NUP98: variants seen among roughly 807,000 people sequenced by gnomAD.
NUP98 encodes the protein nucleoporin 98 and 96 precursor, also known as nuclear pore complex protein Nup98-Nup96.
Under a neutral mutation model 191.9 loss-of-function variants are expected in NUP98, and 26 were observed. The ratio of observed to expected loss-of-function variants is 0.14; its 90% CI spans 0.10 to 0.19. The LOEUF (loss-of-function observed/expected upper bound fraction) is 0.19, where lower values mean the gene tolerates loss of function less well. NUP98 is among the 10% of genes least tolerant of loss of function. NUP98 has a pLI of 1.00. For missense variants in NUP98, 1,941 were observed against 2,178.8 expected, an observed-to-expected ratio of 0.89 and a Z score of 2.17; for synonymous variants, 808 against 778.4, an observed-to-expected ratio of 1.04 and a Z score of -0.63.
At chr11:3,718,909 C>T (rs1403726779) in intron 18 of NUP98, among the ~76,000 whole-genome samples, 1 of 152,026 alleles carries the variant, frequency 6.6e-6, no homozygotes, top group Non-Finnish European at 1.5e-5. Flanking sequence ...CACTTGAAAT[C>T]AGGAGCTCAA....
intron 28 of NUP98, among the ~76,000 whole-genome samples, chr11:3,687,188 C>T (rs997017470): frequency 1.3e-5 from 2 of 152,094 alleles, no homozygotes; most frequent in Non-Finnish European, 2.9e-5. Context: ...CCCACTTCAG[C>T]GTCACAAACT....
chr11:3,787,948 G>C (rs182753138), intron 1 of NUP98, among the ~76,000 whole-genome samples: 1 of 151,962 alleles, frequency 6.6e-6, no homozygotes, highest in Non-Finnish European at 1.5e-5. Context: ...GCCGAGATCG[G>C]GCCACTGCAC....
At chr11:3,726,619 A>G (rs1393127054) in intron 14 of NUP98, among the ~76,000 whole-genome samples, 1 of 152,066 alleles carries the variant, frequency 6.6e-6, no homozygotes. Flanking sequence ...TTACAAAAAT[A>G]TAACATCAAA....
chr11:3,708,045 G>A (rs988658503), intron 20 of NUP98, among the ~76,000 whole-genome samples: 1 of 152,152 alleles, frequency 6.6e-6, no homozygotes, highest in Non-Finnish European at 1.5e-5. Flanking sequence ...AGGCTGCAGT[G>A]AGCCAAGATT....
intron 13 of NUP98, 41 bp downstream of exon 13, chr11:3,735,146 CTCTT>C (rs1564860228): frequency 5.3e-6 from 8 of 1,500,642 alleles, no homozygotes; most frequent in Non-Finnish European, 7.1e-6. Flanking sequence ...CATTCAGTTT[CTCTT>C]TCTTTGATAT....
chr11:3,753,262 A>C (rs1286335039), intron 11 of NUP98, 54 bp downstream of exon 11: 1 of 1,406,756 alleles, frequency 7.1e-7, no homozygotes, highest in African/African-American at 1.4e-5. Flanking sequence ...AAGTTCCAGA[A>C]ACTAGAAAGT....
At chr11:3,704,145 A>G (rs2078791221) in intron 22 of NUP98, among the ~76,000 whole-genome samples, 1 of 152,204 alleles carries the variant, frequency 6.6e-6, no homozygotes, top group South Asian at 2.1e-4. Context: ...TGGTTAATAT[A>G]TTTTCTTTCT....
intron 30 of NUP98, among the ~76,000 whole-genome samples, chr11:3,681,773 T>C (rs534433902): frequency 6.6e-6 from 1 of 152,288 alleles, no homozygotes; most frequent in South Asian, 2.1e-4. Context: ...TTTAGAATGG[T>C]AAATGAGCTT....
At chr11:3,791,770 G>A (rs933510224) in intron 1 of NUP98, among the ~76,000 whole-genome samples, 42 of 150,906 alleles carry the variant, frequency 2.8e-4, no homozygotes, top group African/African-American at 9.5e-4. Context: ...TTGAACCCAG[G>A]AGGCGAGGTT....
At chr11:3,780,443 G>A (rs1227087156) in intron 2 of NUP98, among the ~76,000 whole-genome samples, 2 of 149,466 alleles carry the variant, frequency 1.3e-5, no homozygotes, top group Admixed American at 1.3e-4. Flanking sequence ...CGGGGAGGCT[G>A]AGGCAGGAGA....
intron 2 of NUP98, among the ~76,000 whole-genome samples, chr11:3,780,546 AAAAAAAAAAAAAAAAAG>A (rs1352045150): frequency 0.014 from 1,935 of 139,934 alleles, 41 homozygotes; most frequent in African/African-American, 0.054. Context: ...CATCTCAAAA[AAAAAAAAAAAAAAAAAG>A]AAAAAGAAAA....
chr11:3,678,148 A>G (rs1158743310), intron 31 of NUP98, among the ~76,000 whole-genome samples: 2 of 152,148 alleles, frequency 1.3e-5, no homozygotes, highest in Non-Finnish European at 2.9e-5. Context: ...AAAAAAAAAA[A>G]AAAAAGGCAT....
At chr11:3,735,371 T>C in intron 12 of NUP98, 47 bp from the exon 13 acceptor site, 1 of 1,019,588 alleles carries the variant, frequency 9.8e-7, no homozygotes. Flanking sequence ...TATATATAAA[T>C]GCAAGGATAC....
Position 3,679,538 on chromosome 11 carries a change from T to C in NUP98, c.5073+16A>G, listed in dbSNP as rs754399026. 5.0e-6 allele frequency: 8 copies of C among 1,614,078 alleles called. No homozygotes were observed. The South Asian group carries it at 7.7e-5, about 16-fold the overall frequency. On this transcript the variant is annotated intron_variant, in intron 31 of 32. Coordinates refer to ENST00000324932, the MANE Select transcript of NUP98 (RefSeq NM_016320.5). ...AGAAAAGGAAAATCAGGCAGCAGTT[T>C]CAGGATCTCAGGTACCTGCTGTATA...
chr11:3,717,866 G>A (rs1459937628), intron 18 of NUP98, among the ~76,000 whole-genome samples: 1 of 152,114 alleles, frequency 6.6e-6, no homozygotes, highest in Non-Finnish European at 1.5e-5. Flanking sequence ...CCTTTATCTT[G>A]TTAAAGTGGT....
At chr11:3,791,894 ATTCG>A (rs964897948) in intron 1 of NUP98, among the ~76,000 whole-genome samples, 1 of 150,746 alleles carries the variant, frequency 6.6e-6, no homozygotes, top group Non-Finnish European at 1.5e-5. Flanking sequence ...AAAAACATGC[ATTCG>A]GCTGGGCGCA....
At chr11:3,752,473 C>T (rs746364494) in intron 11 of NUP98, among the ~76,000 whole-genome samples, 2 of 149,984 alleles carry the variant, frequency 1.3e-5, no homozygotes, top group Non-Finnish European at 3.0e-5. Context: ...GCTGAGACTG[C>T]ACCACTGCAC....
chr11:3,744,776 TGAATACGG>T, intron 11 of NUP98, 127 bp from the exon 12 acceptor site: 1 of 1,019,400 alleles, frequency 9.8e-7, no homozygotes, highest in Middle Eastern at 3.1e-4. Context: ...AACAAAGGGG[TGAATACGG>T]TAAGTGTTAC....
chr11:3,699,440 T>C, intron 24 of NUP98, 92 bp from the exon 25 acceptor site: 1 of 1,388,262 alleles, frequency 7.2e-7, no homozygotes, highest in Non-Finnish European at 1.0e-6. Context: ...TAAAAATACA[T>C]AAATTAATAG....
Sources: gnomAD v4.1 joint callset for allele counts (sites outside exome capture counted in the v4.1 genomes callset) on GRCh38, gnomAD v4.1.1 for gene constraint, MANE v1.5 for transcripts, NCBI Gene and HGNC (gene_info 2026-07-23, HGNC 2026-07-21) for gene names.